Variants in TBC1D14 observed in about 807,000 individuals in gnomAD.
The protein encoded by TBC1D14 is TBC1 domain family member 14, also known as TBC1 domain family, member 14.
A neutral mutation model predicts 79.0 loss-of-function variants in TBC1D14; 26 were observed. The observed-to-expected ratio is 0.33, with a 90% CI of 0.24 to 0.46. The LOEUF is 0.46. TBC1D14 is among the 20% of genes least tolerant of loss of function. TBC1D14 has a pLI of 1.00. For synonymous variants in TBC1D14, 394 were observed against 349.9 expected (o/e 1.13, Z -1.40); for missense variants, 769 against 887.6 (o/e 0.87, Z 1.70).
chr4:6,970,114 A>T (rs943050702), intron 3 of TBC1D14, among the ~76,000 whole-genome samples: 1 of 152,206 alleles, frequency 6.6e-6, no homozygotes, highest in African/African-American at 2.4e-5. Flanking sequence ...TGTGATCAGG[A>T]TGGTGACAAT....
chr4:7,032,936 T>C lies in TBC1D14; in HGVS notation c.*2544T>C, dbSNP rs1723195009. ...ACTTCAGAAGGTACTTTTTAACTGC[T>C]CAGTTTTTGACTATTTTAAATAGTT... On this transcript the variant is annotated 3_prime_UTR_variant, in exon 14 of 14. Transcript: ENST00000409757. 1 of 152,642 alleles carries C rather than the reference T, an allele frequency of 6.6e-6. No homozygotes were observed. Among genetic ancestry groups the C allele is most frequent in the Non-Finnish European group, 1.5e-5 (1 of 68,054 alleles). The allele number at this position is 152,642 out of a possible 1,614,324, so 9.5% of individuals were successfully genotyped here. A position where few individuals can be genotyped will look rare whatever the true frequency, so the allele number is the denominator to read the frequency against.
At chr4:6,978,127 G>T (rs1283181901) in intron 3 of TBC1D14, among the ~76,000 whole-genome samples, 2 of 148,764 alleles carry the variant, frequency 1.3e-5, no homozygotes, top group Non-Finnish European at 1.5e-5. Context: ...GGGGGGGTCA[G>T]CCCCCCGCCC....
At chr4:7,010,427 G>A (rs547679207) in intron 10 of TBC1D14, among the ~76,000 whole-genome samples, 2 of 151,940 alleles carry the variant, frequency 1.3e-5, no homozygotes, top group Non-Finnish European at 1.5e-5. Flanking sequence ...TTCCATTTGC[G>A]GGGTGGGAGC....
chr4:6,994,202 G>C lies in TBC1D14; in HGVS notation c.862G>C (p.Gly288Arg). The change falls in exon 4 of 14, where the codon GGA becomes CGA. Residue 288 changes from glycine (G) to arginine (R), a missense_variant. By Grantham distance (125) the Gly-to-Arg change is moderately radical. Around this residue, in one of 2 missense-constraint regions of TBC1D14, gnomAD observed 402 missense variants for 393.2 expected, o/e 1.02. Transcript: ENST00000409757. Reference protein sequence around the residue: ...RIQKEYEDKAGRPSKPPSPKQ... With the variant: ...RIQKEYEDKARRPSKPPSPKQ... ...GTCCTAGGAATATGAAGACAAGGCT[G>C]GAAGACCTAGCAAGCCACCCTCTCC... The C allele has an allele frequency of 3.1e-6, 5 of 1,614,124 alleles. No homozygotes were observed. The highest frequency in any genetic ancestry group is 4.2e-6 in the Non-Finnish European group (5 of 1,179,992).
chr4:6,934,160 A>T (rs1243537678), intron 2 of TBC1D14, among the ~76,000 whole-genome samples: 2 of 151,990 alleles, frequency 1.3e-5, no homozygotes, highest in African/African-American at 4.8e-5. Flanking sequence ...GTGGTTTGAA[A>T]CCAGGTGAGG....
chr4:7,012,879 C>T (rs1353094249), intron 11 of TBC1D14, among the ~76,000 whole-genome samples: 1 of 152,178 alleles, frequency 6.6e-6, no homozygotes, highest in Non-Finnish European at 1.5e-5. Context: ...AGGAAGCGTT[C>T]TTACTCTTGA....
At chr4:6,956,746 C>T (rs773269875) in intron 2 of TBC1D14, among the ~76,000 whole-genome samples, 21 of 152,204 alleles carry the variant, frequency 1.4e-4, no homozygotes, top group Non-Finnish European at 3.1e-4. Flanking sequence ...AGGTTACCTC[C>T]CACCTTGTGG....
intron 3 of TBC1D14, among the ~76,000 whole-genome samples, chr4:6,973,871 T>G (rs1160021618): frequency 6.6e-6 from 1 of 152,166 alleles, no homozygotes; most frequent in Non-Finnish European, 1.5e-5. Context: ...TCACCCAGGC[T>G]GAAGTGCAGT....
chr4:7,010,836 T>TG, intron 11 of TBC1D14, 55 bp downstream of exon 11: 1 of 1,568,306 alleles, frequency 6.4e-7, no homozygotes, highest in African/African-American at 1.4e-5. Context: ...TGTCAAGAGT[T>TG]GCTTACTCGT....
At chr4:7,010,945 T>C (rs764459593) in intron 11 of TBC1D14, among the ~76,000 whole-genome samples, 164 bp downstream of exon 11, 1 of 152,222 alleles carries the variant, frequency 6.6e-6, no homozygotes, top group Non-Finnish European at 1.5e-5. Context: ...GAGCAGCGTA[T>C]TGCATGGAAG....
chr4:7,022,632 G>T (rs1236293651), intron 12 of TBC1D14, among the ~76,000 whole-genome samples: 1 of 152,106 alleles, frequency 6.6e-6, no homozygotes, highest in African/African-American at 2.4e-5. Context: ...GGCGTCAGCA[G>T]TAAGCATGGC....
At chr4:7,015,849 C>T (rs576482340) in intron 12 of TBC1D14, among the ~76,000 whole-genome samples, 2 of 152,144 alleles carry the variant, frequency 1.3e-5, no homozygotes, top group African/African-American at 4.8e-5. Context: ...GTAGGGTGAC[C>T]GTGCGGCACC....
Position 7,030,380 on chromosome 4 carries a change from C to T in TBC1D14, c.2070C>T (p.Ser690=), listed in dbSNP as rs748921575. 9 of 1,613,964 alleles carry T rather than the reference C, an allele frequency of 5.6e-6. No individual in the cohort carries two copies. The Admixed American group carries it at 6.7e-5, about 12-fold the overall frequency. ...DSREMEKGSP[S]LRH ...GGGAAATGGAGAAGGGAAGTCCGTC[C>T]CTCCGACACTGAGGCTGCAGCGGGA... The change falls in exon 14 of 14, where the codon TCC becomes TCT. Residue 690 remains serine (S), a synonymous_variant. Transcript: ENST00000409757.
intron 1 of TBC1D14, chr4:6,910,255 T>C (rs1722864861): frequency 6.6e-6 from 1 of 152,110 alleles, no homozygotes; most frequent in African/African-American, 2.4e-5. Context: ...GACGAAAAGT[T>C]TTCCTACTCC....
At chr4:6,967,806 C>T (rs1715832446) in intron 3 of TBC1D14, among the ~76,000 whole-genome samples, 1 of 152,192 alleles carries the variant, frequency 6.6e-6, no homozygotes, top group Non-Finnish European at 1.5e-5. Context: ...GAGCTCACAT[C>T]CTTCCTGTGC....
rs901357023 is a variant in TBC1D14, at chr4:6,978,950, G to A, written c.843+11526G>A. ...ATAATGTCTGGCGTTTGCAGTGTAT[G>A]TAGATGTTAATATGTAGGACAAGTG... On this transcript the variant is annotated intron_variant, in intron 3 of 13. Coordinates refer to ENST00000409757, the MANE Select transcript of TBC1D14 (RefSeq NM_020773.3). Among the ~76,000 whole-genome samples the A allele has an allele frequency of 5.9e-5, 9 of 152,290 alleles. No individual in the cohort carries two copies. In the Middle Eastern group the frequency reaches 0.01, roughly 173 times the overall value.
intron 12 of TBC1D14, among the ~76,000 whole-genome samples, chr4:7,020,999 A>G (rs1202958118): frequency 6.6e-6 from 1 of 152,240 alleles, no homozygotes; most frequent in Admixed American, 6.5e-5. Context: ...TGTTGTGTGC[A>G]GCCCGGGGCC....
At chr4:6,911,896 C>G (rs1441440771) in intron 1 of TBC1D14, among the ~76,000 whole-genome samples, 3 of 152,176 alleles carry the variant, frequency 2.0e-5, no homozygotes, top group Non-Finnish European at 4.4e-5. Context: ...TCAGTATAAA[C>G]ATTAATACAT....
intron 1 of TBC1D14, among the ~76,000 whole-genome samples, chr4:6,922,425 C>T (rs1326548171): frequency 6.6e-6 from 1 of 152,104 alleles, no homozygotes; most frequent in South Asian, 2.1e-4. Context: ...TTTGGGGTCC[C>T]GTAGATCCCA....
Sources: allele counts gnomAD v4.1 joint callset (sites outside exome capture counted in the v4.1 genomes callset), GRCh38; gene constraint gnomAD v4.1.1; regional missense constraint gnomAD v4.1.1; transcripts MANE v1.5; gene names NCBI Gene and HGNC (gene_info 2026-07-23, HGNC 2026-07-21).